Variants in MVP observed in about 807,000 individuals in gnomAD.
MVP encodes lung resistance-related protein.
In MVP, 62 loss-of-function variants were observed where a neutral mutation model predicts 83.5. The ratio of observed to expected loss-of-function variants is 0.74; its 90% CI spans 0.61 to 0.92. The LOEUF (loss-of-function observed/expected upper bound fraction) is 0.92, where lower values mean the gene tolerates loss of function less well. MVP is among the 40% of genes least tolerant of loss of function. The pLI, the probability that MVP is intolerant of heterozygous loss-of-function variation, is 0.00. For synonymous variants in MVP, 505 were observed against 504.1 expected (o/e 1.00, Z -0.02); for missense variants, 1,000 against 1,203.4 (o/e 0.83, Z 2.50).
At chr16:29,824,755 AAAAC>A (rs2067393457) in intron 1 of MVP, among the ~76,000 whole-genome samples, 1 of 152,190 alleles carries the variant, frequency 6.6e-6, no homozygotes, top group Non-Finnish European at 1.5e-5. Flanking sequence ...GTCTCCAAAA[AAAAC>A]AAAAAAGAGA....
At chr16:29,840,120 C>T in intron 7 of MVP, 58 bp from the exon 8 acceptor site, 2 of 1,526,172 alleles carry the variant, frequency 1.3e-6, no homozygotes, top group Non-Finnish European at 1.8e-6. Context: ...GGGGAGGTAC[C>T]ATTGGAAGCA....
chr16:29,841,893 T>C lies in MVP; in HGVS notation c.1437-22T>C. 1 of 1,611,192 alleles carries C rather than the reference T, an allele frequency of 6.2e-7. No homozygotes were observed. The highest frequency in any genetic ancestry group is 8.5e-7 in the Non-Finnish European group (1 of 1,179,990). ...GGGTGGCTCTCCATGGGTCTGGCTCTGACCCTCGGCTGTCTCTGCAGCGTG... is the reference window on the plus strand; with the variant it reads ...GGGTGGCTCTCCATGGGTCTGGCTCCGACCCTCGGCTGTCTCTGCAGCGTG... On this transcript the variant is annotated intron_variant, in intron 9 of 14. Coordinates refer to ENST00000357402, the MANE Select transcript of MVP (RefSeq NM_005115.5). This position sits in a 1 kb window ranked among gnomAD's most constrained non-coding sequence, Gnocchi z 4.7.
In MVP at chr16:29,841,924, C is replaced by G. The variant is rs748325373; in HGVS notation, c.1446C>G (p.Phe482Leu). 6.2e-7 allele frequency: 1 copy of G among 1,612,362 alleles called. No individual in the cohort carries two copies. Among genetic ancestry groups the G allele is most frequent in the Non-Finnish European group, 8.5e-7 (1 of 1,180,022 alleles). The change falls in exon 10 of 15, where the codon TTC becomes TTG. Residue 482 changes from phenylalanine (F) to leucine (L), a missense_variant. Transcript: ENST00000357402. The surrounding 1 kb of genome is among the most constrained non-coding windows in gnomAD (Gnocchi z 4.7). ...DYREKRARVV[F>L]GPELVSLGPE... ...TCGGCTGTCTCTGCAGCGTGGTCTTCGGGCCTGAGCTGGTGTCGCTGGGTC... is the reference window on the plus strand; with the variant it reads ...TCGGCTGTCTCTGCAGCGTGGTCTTGGGGCCTGAGCTGGTGTCGCTGGGTC...
intron 1 of MVP, among the ~76,000 whole-genome samples, chr16:29,824,671 T>C (rs1011864791): frequency 1.3e-5 from 2 of 152,086 alleles, no homozygotes; most frequent in African/African-American, 4.8e-5. Flanking sequence ...GGCACGAGAA[T>C]TGCTTGAACC....
chr16:29,829,532 C>G (rs2067426786), intron 1 of MVP: 1 of 150,232 alleles, frequency 6.7e-6, no homozygotes, highest in Non-Finnish European at 1.5e-5. Context: ...TAAACTTGGT[C>G]CCATTTGTGT....
intron 1 of MVP, chr16:29,820,858 T>A (rs1262194738): frequency 6.6e-6 from 1 of 152,210 alleles, no homozygotes; most frequent in Non-Finnish European, 1.5e-5. Context: ...TAGCCCTAGA[T>A]CGGTGCTTGC....
chr16:29,821,907 A>G (rs1346750142), intron 1 of MVP, among the ~76,000 whole-genome samples: 2 of 152,148 alleles, frequency 1.3e-5, no homozygotes, highest in African/African-American at 4.8e-5. Context: ...GAGGCCTGCA[A>G]AAAGCAGCAG....
intron 13 of MVP, among the ~76,000 whole-genome samples, chr16:29,846,820 C>A (rs1244230580): frequency 6.6e-6 from 1 of 152,012 alleles, no homozygotes; most frequent in Non-Finnish European, 1.5e-5. Flanking sequence ...GAGGTTGTGC[C>A]ACTACACTCC....
chr16:29,841,625 G>C lies in MVP; in HGVS notation c.1221G>C (p.Met407Ile). The C allele has an allele frequency of 6.2e-7, 1 of 1,610,796 alleles. No individual in the cohort carries two copies. Among genetic ancestry groups the C allele is most frequent in the African/African-American group, 1.3e-5 (1 of 74,888 alleles). The change falls in exon 9 of 15, where the codon ATG (methionine) becomes ATC (isoleucine). Residue 407 changes from methionine (M) to isoleucine (I), a missense_variant. Met to Ile is a conservative substitution (Grantham distance 10). Coordinates refer to ENST00000357402, the MANE Select transcript of MVP (RefSeq NM_005115.5). The surrounding 1 kb of genome is among the most constrained non-coding windows in gnomAD (Gnocchi z 4.7). Reference sequence around the variant, plus strand: ...GCGCTGTGATTGGAAGCACCTACATGCTGACCCAGGACGAAGTCCTGTGGG... The same window carrying C: ...GCGCTGTGATTGGAAGCACCTACATCCTGACCCAGGACGAAGTCCTGTGGG... ...KVRAVIGSTY[M>I]LTQDEVLWEK...
Position 29,830,339 on chromosome 16 carries a change from G to A in MVP, c.-35-176G>A, listed in dbSNP as rs140425165. The A allele has an allele frequency of 3.1e-4, 161 of 522,704 alleles. No homozygotes were observed. The East Asian group carries it at 5.2e-3, about 17-fold the overall frequency. 32.4% of individuals were successfully genotyped at this position (522,704 alleles called of 1,614,324 possible). On this transcript the variant is annotated intron_variant, in intron 1 of 14. Coordinates refer to ENST00000357402, the MANE Select transcript of MVP (RefSeq NM_005115.5). ...AGGTAAGGTCAGGATGGGCTGTGTC[G>A]TCTTGGGTGGGGTGAAGACAGGGAG...
At chr16:29,842,142 A>C in intron 10 of MVP, 30 bp downstream of exon 10, 1 of 1,562,970 alleles carries the variant, frequency 6.4e-7, no homozygotes, top group South Asian at 1.1e-5. Flanking sequence ...ATGGGGGTGC[A>C]TTCCTGGAAT....
intron 5 of MVP, chr16:29,834,309 C>T: frequency 2.1e-6 from 1 of 479,032 alleles, no homozygotes; most frequent in African/African-American, 2.0e-5. Flanking sequence ...CTCACCTTCA[C>T]CATGAGCTGT....
At chr16:29,834,108 G>A (rs1256614388) in intron 5 of MVP, 42 bp downstream of exon 5, 1 of 1,600,796 alleles carries the variant, frequency 6.2e-7, no homozygotes, top group South Asian at 1.1e-5. Flanking sequence ...GGGCAGGAGG[G>A]GTCCCCACTG....
At chr16:29,847,624 A>T in intron 14 of MVP, 138 bp from the exon 15 acceptor site, 1 of 992,608 alleles carries the variant, frequency 1.0e-6, no homozygotes, top group East Asian at 2.4e-5. Flanking sequence ...CCAGTCTGAC[A>T]GGCATTTCCA....
chr16:29,824,452 C>T (rs1212933491), intron 1 of MVP, among the ~76,000 whole-genome samples: 4 of 152,044 alleles, frequency 2.6e-5, no homozygotes, highest in Non-Finnish European at 5.9e-5. Flanking sequence ...AGTGTGGTCA[C>T]TTGGTCAATT....
At chr16:29,836,577 T>TAAA (rs35835626) in intron 6 of MVP, 145 bp from the exon 7 acceptor site, 54,142 of 570,934 alleles carry the variant, frequency 0.095, 1,360 homozygotes, top group African/African-American at 0.14. Context: ...GACTCCGATT[T>TAAA]AAAAAAAAAA....
chr16:29,847,087 G>C (rs2067591249), intron 13 of MVP, 110 bp from the exon 14 acceptor site: 2 of 1,218,870 alleles, frequency 1.6e-6, no homozygotes, highest in African/African-American at 3.0e-5. Context: ...CTACCCAGGA[G>C]GCTGAGGCAG....
chr16:29,835,760 G>T lies in MVP; in HGVS notation c.634G>T (p.Val212Phe), dbSNP rs1289883726. ...GTACCTCCCAGCGGTGTTTGAGGAG[G>T]TTCTGGATTTGGTGGACGCCGTCAT... ...GAYLPAVFEE[V>F]LDLVDAVILT... Residue 212 changes from valine to phenylalanine, a missense_variant, in exon 6 of 15, where the codon GTT becomes TTT. Physicochemically the swap from Val to Phe is conservative, Grantham distance 50 (BLOSUM62 -1). Transcript: ENST00000357402. The T allele has an allele frequency of 6.2e-7, 1 of 1,613,948 alleles. No individual in the cohort carries two copies. The highest frequency in any genetic ancestry group is 8.5e-7 in the Non-Finnish European group (1 of 1,180,020).
At chr16:29,839,895 G>A (rs1034821129) in intron 7 of MVP, among the ~76,000 whole-genome samples, 2 of 149,742 alleles carry the variant, frequency 1.3e-5, no homozygotes, top group Non-Finnish European at 3.0e-5. Context: ...GGAGAAAGAA[G>A]AAAAAACAGG....
Sources: allele counts gnomAD v4.1 joint callset (sites outside exome capture counted in the v4.1 genomes callset), GRCh38; gene constraint gnomAD v4.1.1; non-coding constraint Gnocchi (gnomAD v3.1); transcripts MANE v1.5; gene names NCBI Gene and HGNC (gene_info 2026-07-23, HGNC 2026-07-21).